Variants in DPYSL2 observed in about 807,000 individuals in gnomAD.
DPYSL2 encodes the protein dihydropyrimidinase like 2.
Under a neutral mutation model 69.9 loss-of-function variants are expected in DPYSL2, and 13 were observed. The observed-to-expected ratio is 0.19, with a 90% CI of 0.12 to 0.30. The LOEUF (loss-of-function observed/expected upper bound fraction) is 0.30, where lower values mean the gene tolerates loss of function less well. Ranked by LOEUF, DPYSL2 falls within the 10% of genes least tolerant of loss-of-function variation. The probability of loss-of-function intolerance (pLI) is 1.00; values close to 1 mark genes in which losing one functional copy is unlikely to be tolerated. For synonymous variants in DPYSL2, 326 were observed against 359.1 expected (o/e 0.91, Z 1.04); for missense variants, 587 against 918.9 (o/e 0.64, Z 4.67).
chr8:26,657,734 C>A lies in DPYSL2; in HGVS notation c.*2028C>A, dbSNP rs188684391. On this transcript the variant is annotated 3_prime_UTR_variant, in exon 14 of 14. Coordinates refer to ENST00000521913, the MANE Select transcript of DPYSL2 (RefSeq NM_001197293.3). ...TTGAGTCTTCCTGTTTTTCCTGTAC[C>A]GGGTCATGGTAATTTTTGGTTGTTT... is the stretch of plus-strand genomic sequence containing the variant. 1.3e-5 allele frequency: 2 copies of A among 152,472 alleles called. No homozygotes were observed. Among genetic ancestry groups the A allele is most frequent in the Non-Finnish European group, 2.9e-5 (2 of 68,016 alleles). The allele number at this position is 152,472 out of a possible 1,614,324, so 9.4% of individuals were successfully genotyped here.
intron 1 of DPYSL2, among the ~76,000 whole-genome samples, chr8:26,543,305 T>C (rs931020093): frequency 2.0e-5 from 3 of 152,208 alleles, no homozygotes; most frequent in African/African-American, 7.2e-5. Context: ...ACAGTCAAAA[T>C]GTAAATATGA....
At chr8:26,524,614 G>A (rs1486073175) in intron 1 of DPYSL2, among the ~76,000 whole-genome samples, 2 of 151,734 alleles carry the variant, frequency 1.3e-5, no homozygotes, top group East Asian at 1.9e-4. Flanking sequence ...CCTGGCCAAC[G>A]TGGCAAAATC....
chr8:26,631,067 C>T (rs1802759861), intron 7 of DPYSL2, among the ~76,000 whole-genome samples: 1 of 152,238 alleles, frequency 6.6e-6, no homozygotes, highest in Non-Finnish European at 1.5e-5. Flanking sequence ...GAGGGGCTTG[C>T]ATTCCTTCTT....
chr8:26,627,169 A>G lies in DPYSL2; in HGVS notation c.856-46A>G, dbSNP rs766573362. On this transcript the variant is annotated intron_variant, in intron 5 of 13. Transcript: ENST00000521913. The surrounding 1 kb of genome is among the most constrained non-coding windows in gnomAD (Gnocchi z 6.9). The stretch of plus-strand genomic sequence containing the variant: ...GGAGATGATTGTCTTTGTGAACAGG[A>G]AGATGGAAGTCCCTGTCTCTGATCC... 1 of 1,551,770 alleles carries G rather than the reference A, an allele frequency of 6.4e-7. No individual in the cohort carries two copies. The highest frequency in any genetic ancestry group is 2.2e-5 in the East Asian group (1 of 44,566).
chr8:26,617,150 G>A lies in DPYSL2; in HGVS notation c.629-6993G>A, dbSNP rs73226183. On this transcript the variant is annotated intron_variant, in intron 3 of 13. Transcript: ENST00000521913. The surrounding 1 kb of genome is among the most constrained non-coding windows in gnomAD (Gnocchi z 4.7). ...TGATATTGGGTTCTCTATCAGTGTC[G>A]CTCCCTGGCTGTAATATTGTACTAT... Among the ~76,000 whole-genome samples the A allele has an allele frequency of 0.066, 9,982 of 152,178 alleles. 372 individuals are homozygous for A. Among genetic ancestry groups the A allele is most frequent in the East Asian group, 0.09 (467 of 5,172 alleles).
At position 26,630,829 on chromosome 8, in the gene DPYSL2, G is replaced by A. The variant is rs572924575; in HGVS notation, c.1005+2889G>A. ...CCTGCCTGCTACCCCAACCCCTCCC[G>A]CAGTGTACACATACTCAGCTTAAAG... is the stretch of plus-strand genomic sequence containing the variant. On this transcript the variant is annotated intron_variant, in intron 7 of 13. Transcript: ENST00000521913. 5.3e-5 allele frequency among the ~76,000 whole-genome samples: 8 copies of A among 152,228 alleles called. No homozygotes were observed. The South Asian group carries it at 6.2e-4, about 12-fold the overall frequency.
rs1391843686 is a variant in DPYSL2, at chr8:26,516,321, C to A, written c.354+1642C>A. Among the ~76,000 whole-genome samples, 1 of 152,176 alleles carries A rather than the reference C, an allele frequency of 6.6e-6. No individual in the cohort carries two copies. Among genetic ancestry groups the A allele is most frequent in the Non-Finnish European group, 1.5e-5 (1 of 68,032 alleles). ...GAGTGAGTGTGTGTGAAACACTTCC[C>A]TGTGTGAGTACATTGAGTGAGGGCC... On this transcript the variant is annotated intron_variant, in intron 1 of 13. Transcript: ENST00000521913. The surrounding 1 kb of genome is among the most constrained non-coding windows in gnomAD (Gnocchi z 4.8).
chr8:26,554,124 G>A (rs1383937304), intron 1 of DPYSL2, among the ~76,000 whole-genome samples: 3 of 151,842 alleles, frequency 2.0e-5, no homozygotes, highest in African/African-American at 4.8e-5. Context: ...TCCTGACCTC[G>A]TGATCCACCC....
intron 1 of DPYSL2, chr8:26,578,395 C>G (rs1202017680): frequency 2.5e-6 from 4 of 1,575,790 alleles, no homozygotes; most frequent in Non-Finnish European, 3.4e-6. Flanking sequence ...AGGGACCGAA[C>G]TTTTTTTTTC....
rs544154710 is a variant in DPYSL2, at chr8:26,597,631, C to T, written c.628+13648C>T. 4.7e-4 allele frequency among the ~76,000 whole-genome samples: 71 copies of T among 152,176 alleles called. No individual in the cohort carries two copies. The highest frequency in any genetic ancestry group is 7.5e-4 in the Non-Finnish European group (51 of 68,000). On this transcript the variant is annotated intron_variant, in intron 3 of 13. Transcript: ENST00000521913. The surrounding 1 kb of genome is among the most constrained non-coding windows in gnomAD (Gnocchi z 5.2). ...CTGGGACTACAGGCGCCCGCCACCACGCCCAACTAATATTTTGTATTTTTA... is the reference window on the plus strand; with the variant it reads ...CTGGGACTACAGGCGCCCGCCACCATGCCCAACTAATATTTTGTATTTTTA...
intron 1 of DPYSL2, among the ~76,000 whole-genome samples, chr8:26,534,071 C>A (rs764512643): frequency 6.6e-6 from 1 of 152,142 alleles, no homozygotes; most frequent in Non-Finnish European, 1.5e-5. Flanking sequence ...CAGAGGAGTT[C>A]AATGAGCAAC....
At chr8:26,576,733 TCA>T (rs1397764180) in intron 1 of DPYSL2, among the ~76,000 whole-genome samples, 1 of 152,234 alleles carries the variant, frequency 6.6e-6, no homozygotes, top group African/African-American at 2.4e-5. Context: ...TCCCCAAGAC[TCA>T]GTTTCCCTTT....
At chr8:26,521,666 C>A (rs540092893) in intron 1 of DPYSL2, among the ~76,000 whole-genome samples, 1 of 152,242 alleles carries the variant, frequency 6.6e-6, no homozygotes, top group South Asian at 2.1e-4. Flanking sequence ...AGTCACTTTC[C>A]TTTTCCCATT....
Position 26,583,883 on chromosome 8 carries a change from C to T in DPYSL2, c.528C>T (p.Asp176=), listed in dbSNP as rs143811829. 1.3e-5 allele frequency: 21 copies of T among 1,614,060 alleles called. No homozygotes were observed. The highest frequency in any genetic ancestry group is 1.1e-4 in the East Asian group (5 of 44,888). Residue 176 remains aspartate (D), a synonymous_variant, in exon 3 of 14, where the codon GAC becomes GAT. Coordinates refer to ENST00000521913, the MANE Select transcript of DPYSL2 (RefSeq NM_001197293.3). ...GGATGGTGATCCCCGGAGGAATTGACGTCCACACTCGTTTCCAGATGCCTG... is the reference window on the plus strand; with the variant it reads ...GGATGGTGATCCCCGGAGGAATTGATGTCCACACTCGTTTCCAGATGCCTG... ...HSRMVIPGGI[D]VHTRFQMPDQ...
rs1323543398 is a variant in DPYSL2 at position 26,562,308 on chromosome 8, A to G, written c.355-19661A>G. 6.6e-6 allele frequency among the ~76,000 whole-genome samples: 1 copy of G among 152,210 alleles called. No homozygotes were observed. Among genetic ancestry groups the G allele is most frequent in the Non-Finnish European group, 1.5e-5 (1 of 68,040 alleles). On this transcript the variant is annotated intron_variant, in intron 1 of 13. Coordinates refer to ENST00000521913, the MANE Select transcript of DPYSL2 (RefSeq NM_001197293.3). The surrounding 1 kb of genome is among the most constrained non-coding windows in gnomAD (Gnocchi z 4.9). ...TGTATTATGAGGCTTAACCAGAGTT[A>G]ATACTTGCAAAGCACTGAGAACAAT...
In DPYSL2 at chr8:26,647,050, T is replaced by C. The variant is rs1231072181; in HGVS notation, c.1426-580T>C. 6.6e-6 allele frequency among the ~76,000 whole-genome samples: 1 copy of C among 151,966 alleles called. No individual in the cohort carries two copies. The highest frequency in any genetic ancestry group is 1.5e-5 in the Non-Finnish European group (1 of 67,998). On this transcript the variant is annotated intron_variant, in intron 10 of 13. Transcript: ENST00000521913. This position sits in a 1 kb window ranked among gnomAD's most constrained non-coding sequence, Gnocchi z 5.1. ...TATTTTGTTGAAAAGGACAGCCAAT[T>C]GGGCCAAATGATATTTCCTAAAGAG...
chr8:26,612,114 G>C (rs1034057533), intron 3 of DPYSL2, among the ~76,000 whole-genome samples: 1 of 152,230 alleles, frequency 6.6e-6, no homozygotes, highest in African/African-American at 2.4e-5. Context: ...TTGGATCTTG[G>C]AAGGTAGACA....
intron 1 of DPYSL2, among the ~76,000 whole-genome samples, chr8:26,525,763 T>C (rs566939209): frequency 1.7e-4 from 26 of 152,344 alleles, no homozygotes; most frequent in African/African-American, 6.3e-4. Context: ...AATACTGCTT[T>C]AGTTACTGTA....
intron 1 of DPYSL2, among the ~76,000 whole-genome samples, chr8:26,547,348 G>A (rs1458464549): frequency 7.1e-6 from 1 of 140,736 alleles, no homozygotes; most frequent in African/African-American, 2.9e-5. Flanking sequence ...GGTTGACAGA[G>A]AGAGACCCTG....
Sources: gnomAD v4.1 joint callset for allele counts (sites outside exome capture counted in the v4.1 genomes callset) on GRCh38, gnomAD v4.1.1 for gene constraint, Gnocchi (gnomAD v3.1) non-coding constraint, MANE v1.5 for transcripts, NCBI Gene and HGNC (gene_info 2026-07-23, HGNC 2026-07-21) for gene names.